The following PDE3A variants were observed in gnomAD, a reference collection of about 807,000 sequenced individuals.
PDE3A encodes the protein cGMP-inhibited 3',5'-cyclic phosphodiesterase 3A.
PDE3A carries 43 observed loss-of-function variants against 98.3 expected under a neutral mutation model. That is an observed-to-expected ratio of 0.44 (90% CI 0.34 to 0.56). PDE3A has a LOEUF of 0.56. PDE3A is among the 20% of genes least tolerant of loss of function. The probability of loss-of-function intolerance (pLI) is 0.01; values close to 1 mark genes in which losing one functional copy is unlikely to be tolerated. For missense variants in PDE3A, 1,427 were observed against 1,440.7 expected (o/e 0.99, Z 0.15); for synonymous variants, 663 against 567.9 (o/e 1.17, Z -2.38).
intron 2 of PDE3A, among the ~76,000 whole-genome samples, chr12:20,559,080 T>C (rs1418251977): frequency 1.1e-4 from 17 of 152,182 alleles, no homozygotes. Flanking sequence ...ATACAGTATG[T>C]GGTGCATGAT....
chr12:20,595,809 C>G (rs1943453229), intron 2 of PDE3A, among the ~76,000 whole-genome samples: 1 of 152,088 alleles, frequency 6.6e-6, no homozygotes. Context: ...TAAGATAAAG[C>G]TTTGCTTATT....
intron 1 of PDE3A, among the ~76,000 whole-genome samples, chr12:20,404,528 C>G (rs921588961): frequency 3.3e-5 from 5 of 152,020 alleles, no homozygotes; most frequent in Non-Finnish European, 7.4e-5. Flanking sequence ...TGAGTTCAAC[C>G]TAATTATTAT....
intron 2 of PDE3A, among the ~76,000 whole-genome samples, chr12:20,608,438 G>A (rs1943767603): frequency 6.6e-6 from 1 of 151,958 alleles, no homozygotes; most frequent in Non-Finnish European, 1.5e-5. Flanking sequence ...ATTTCAATAA[G>A]GATAATTTGT....
At chr12:20,507,119 A>AT (rs1447684389) in intron 1 of PDE3A, among the ~76,000 whole-genome samples, 3 of 151,702 alleles carry the variant, frequency 2.0e-5, no homozygotes, top group Non-Finnish European at 4.4e-5. Flanking sequence ...TTTTGGATTT[A>AT]TTTTTTTCCC....
chr12:20,675,425 T>C (rs1388724494), intron 15 of PDE3A, among the ~76,000 whole-genome samples: 1 of 152,238 alleles, frequency 6.6e-6, no homozygotes, highest in African/African-American at 2.4e-5. Flanking sequence ...GTGAAGTCCA[T>C]TGGCCTAAAA....
chr12:20,638,882 T>C (rs1944580852), intron 9 of PDE3A, among the ~76,000 whole-genome samples: 1 of 152,082 alleles, frequency 6.6e-6, no homozygotes, highest in African/African-American at 2.4e-5. Flanking sequence ...ATGTATCTTA[T>C]AGAAGAAGAA....
chr12:20,418,101 G>T (rs1233504733), intron 1 of PDE3A, among the ~76,000 whole-genome samples: 1 of 151,976 alleles, frequency 6.6e-6, no homozygotes, highest in South Asian at 2.1e-4. Context: ...CTCCCTGTAA[G>T]CTGTCCTCCA....
intron 15 of PDE3A, among the ~76,000 whole-genome samples, chr12:20,659,692 C>T (rs1945116668): frequency 6.6e-6 from 1 of 152,128 alleles, no homozygotes; most frequent in African/African-American, 2.4e-5. Flanking sequence ...TTGCTTCAGC[C>T]TCCCAAGTAG....
intron 1 of PDE3A, among the ~76,000 whole-genome samples, chr12:20,451,383 C>T (rs1392950256): frequency 1.2e-4 from 18 of 152,322 alleles, no homozygotes; most frequent in Non-Finnish European, 2.9e-5. Flanking sequence ...AAGCAATTCT[C>T]CTGCCTCAGC....
intron 1 of PDE3A, among the ~76,000 whole-genome samples, chr12:20,492,766 A>C (rs1945851548): frequency 6.6e-6 from 1 of 152,054 alleles, no homozygotes; most frequent in South Asian, 2.1e-4. Flanking sequence ...TTTATTCCAC[A>C]CTCACTGATG....
chr12:20,659,559 G>GT (rs148373818), intron 15 of PDE3A, among the ~76,000 whole-genome samples: 1,542 of 151,288 alleles, frequency 0.01, 41 homozygotes, highest in East Asian at 0.086. Context: ...AACTTGTACT[G>GT]TTTTTTTTAA....
rs115798363 is a variant in PDE3A at position 20,383,400 on chromosome 12, A to G, written c.960+13156A>G. ...CAGGGACTTTCTGCTTATTAACTGT[A>G]TAATACAGCTAAGCCCTGGCTCAGC... On this transcript the variant is annotated intron_variant, in intron 1 of 15. Transcript: ENST00000359062. 5.1e-3 allele frequency among the ~76,000 whole-genome samples: 768 copies of G among 152,056 alleles called. 4 individuals are homozygous for G. Among genetic ancestry groups the G allele is most frequent in the African/African-American group, 0.017 (718 of 41,492 alleles).
intron 1 of PDE3A, among the ~76,000 whole-genome samples, chr12:20,469,907 A>T (rs927750315): frequency 6.6e-6 from 1 of 152,208 alleles, no homozygotes; most frequent in East Asian, 1.9e-4. Context: ...AAGGCAGACA[A>T]AATAGATATT....
chr12:20,427,884 T>G (rs1312417551), intron 1 of PDE3A, among the ~76,000 whole-genome samples: 2 of 152,002 alleles, frequency 1.3e-5, no homozygotes, highest in Non-Finnish European at 2.9e-5. Context: ...CTAAATCCTC[T>G]TTTTAAAATA....
Position 20,468,852 on chromosome 12 carries a change from A to G in PDE3A, c.961-87808A>G, listed in dbSNP as rs1041635347. Reference sequence around the variant, plus strand: ...TAAGCATCCTCTCAAAGTTTCAAATATATTTTCTGGCAGGAGTTATTTTGT... The same window carrying G: ...TAAGCATCCTCTCAAAGTTTCAAATGTATTTTCTGGCAGGAGTTATTTTGT... On this transcript the variant is annotated intron_variant, in intron 1 of 15. Coordinates refer to ENST00000359062, the MANE Select transcript of PDE3A (RefSeq NM_000921.5). Among the ~76,000 whole-genome samples, 4 of 152,204 alleles carry G rather than the reference A, an allele frequency of 2.6e-5. No homozygotes were observed. The South Asian group carries it at 6.2e-4, about 24-fold the overall frequency.
chr12:20,581,599 T>C (rs1042882686), intron 2 of PDE3A, among the ~76,000 whole-genome samples: 3 of 145,358 alleles, frequency 2.1e-5, no homozygotes, highest in Non-Finnish European at 4.5e-5. Flanking sequence ...TACATGTACA[T>C]AGATTTCTTT....
chr12:20,608,882 T>G (rs921858770), intron 2 of PDE3A, among the ~76,000 whole-genome samples: 1 of 151,954 alleles, frequency 6.6e-6, no homozygotes, highest in Non-Finnish European at 1.5e-5. Context: ...TCAAAAACAT[T>G]TAAAATTTTG....
At chr12:20,644,103 G>A (rs202142093) in intron 10 of PDE3A, among the ~76,000 whole-genome samples, 3 of 100,210 alleles carry the variant, frequency 3.0e-5, no homozygotes, top group Non-Finnish European at 4.3e-5. Flanking sequence ...CTTGCAACAG[G>A]AGAAGATAAT....
intron 1 of PDE3A, among the ~76,000 whole-genome samples, chr12:20,402,505 A>G (rs956817526): frequency 6.6e-5 from 10 of 152,132 alleles, no homozygotes; most frequent in African/African-American, 2.4e-4. Flanking sequence ...AGGAAATCAA[A>G]TATAAAATCA....
Sources: allele counts gnomAD v4.1 joint callset (sites outside exome capture counted in the v4.1 genomes callset), GRCh38; gene constraint gnomAD v4.1.1; transcripts MANE v1.5; gene names NCBI Gene and HGNC (gene_info 2026-07-23, HGNC 2026-07-21).